Variants in DNAH12 observed in about 807,000 individuals in gnomAD.
The protein encoded by DNAH12 is dynein axonemal heavy chain 12.
DNAH12 carries 285 observed loss-of-function variants against 371.5 expected under a neutral mutation model. That is an observed-to-expected ratio of 0.77 (90% CI 0.70 to 0.85). DNAH12 has a LOEUF of 0.85. Ranked by LOEUF, DNAH12 falls within the 40% of genes least tolerant of loss-of-function variation. DNAH12 has a pLI of 0.00. For synonymous variants in DNAH12, 1,200 were observed against 1,213.0 expected, an observed-to-expected ratio of 0.99 and a Z score of 0.22; for missense variants, 3,611 against 3,689.4, an observed-to-expected ratio of 0.98 and a Z score of 0.55.
At chr3:57,388,988 G>A (rs1034928599) in intron 45 of DNAH12, among the ~76,000 whole-genome samples, 1 of 151,978 alleles carries the variant, frequency 6.6e-6, no homozygotes, top group Non-Finnish European at 1.5e-5. Context: ...CACCAACATG[G>A]CACATGTATA....
intron 60 of DNAH12, among the ~76,000 whole-genome samples, chr3:57,344,134 G>T (rs1280076774): frequency 6.6e-6 from 1 of 152,262 alleles, no homozygotes; most frequent in Non-Finnish European, 1.5e-5. Flanking sequence ...CTTTGTCTCT[G>T]TGTCTTATTT....
At chr3:57,390,424 A>AAAAAT in intron 45 of DNAH12, among the ~76,000 whole-genome samples, 12 of 33,438 alleles carry the variant, frequency 3.6e-4, no homozygotes, top group Admixed American at 5.6e-4. Flanking sequence ...AAAAAAAAAA[A>AAAAAT]ATATATATAT....
At chr3:57,436,854 A>T (rs2153367459) in intron 30 of DNAH12, 97 bp downstream of exon 30, 1 of 866,346 alleles carries the variant, frequency 1.2e-6, no homozygotes, top group Non-Finnish European at 1.7e-6. Flanking sequence ...CTCTCAACTC[A>T]CCTAATCAGT....
At chr3:57,517,026 T>C (rs565521171) in intron 4 of DNAH12, among the ~76,000 whole-genome samples, 2 of 152,284 alleles carry the variant, frequency 1.3e-5, no homozygotes, top group South Asian at 2.1e-4. Flanking sequence ...GTTTTCTCCT[T>C]CAGGTGACTT....
chr3:57,361,471 T>TATATATATA (rs2062934544), intron 58 of DNAH12, among the ~76,000 whole-genome samples: 2 of 141,814 alleles, frequency 1.4e-5, no homozygotes, highest in African/African-American at 5.7e-5. Flanking sequence ...TATATATATA[T>TATATATATA]CTCATTCAGC....
chr3:57,403,497 C>T lies in DNAH12; in HGVS notation c.6760G>A (p.Val2254Ile). The T allele has an allele frequency of 6.5e-7, 1 of 1,541,166 alleles. No individual in the cohort carries two copies. ...CATATTCTTGATAAATGTTCCAAAA[C>T]ATACCTACCACAAAAGAAAAATTTT... is the stretch of plus-strand genomic sequence containing the variant. ...TRMNLVIFRY[V>I]LEHLSRICRV... Residue 2254 changes from valine (V) to isoleucine (I), a missense_variant, in exon 43 of 74, where the codon GTT becomes ATT. Coordinates refer to ENST00000495027, the MANE Select transcript of DNAH12 (RefSeq NM_001366028.2).
At chr3:57,547,286 T>C (rs1313674156), upstream of DNAH12, among the ~76,000 whole-genome samples, 1 of 151,902 alleles carries the variant, frequency 6.6e-6, no homozygotes, top group Non-Finnish European at 1.5e-5. Flanking sequence ...CTTTGAACCC[T>C]GACTGATACA....
intron 11 of DNAH12, among the ~76,000 whole-genome samples, chr3:57,496,726 C>T (rs1055639536): frequency 6.6e-5 from 10 of 152,206 alleles, no homozygotes; most frequent in Non-Finnish European, 1.0e-4. Context: ...CCCAGTACTT[C>T]GGGAGGCCAA....
chr3:57,335,731 T>C (rs2062207541), intron 60 of DNAH12, among the ~76,000 whole-genome samples: 1 of 152,240 alleles, frequency 6.6e-6, no homozygotes, highest in African/African-American at 2.4e-5. Flanking sequence ...AACATTGTTA[T>C]GTGGCACATG....
chr3:57,451,146 A>G (rs2065744949), intron 25 of DNAH12, among the ~76,000 whole-genome samples: 1 of 152,206 alleles, frequency 6.6e-6, no homozygotes, highest in South Asian at 2.1e-4. Flanking sequence ...TTTTACTAAG[A>G]ACATTACCTA....
chr3:57,312,323 GA>G (rs1373588861), intron 66 of DNAH12, among the ~76,000 whole-genome samples: 1 of 152,122 alleles, frequency 6.6e-6, no homozygotes, highest in African/African-American at 2.4e-5. Context: ...TTCTTTGGGG[GA>G]GGGGAAGGGT....
At chr3:57,521,063 C>CAAAA (rs61570396) in intron 4 of DNAH12, among the ~76,000 whole-genome samples, 2 of 54,440 alleles carry the variant, frequency 3.7e-5, no homozygotes, top group Admixed American at 3.7e-4. Flanking sequence ...GACTCTGTCT[C>CAAAA]AAAAAAAAAA....
rs1491522942 is a variant in DNAH12 at position 57,389,796 on chromosome 3, A to ATGTGTGTGTGTGTGTG, written c.7305+2075_7305+2076insCACACACACACACACA. Among the ~76,000 whole-genome samples the ATGTGTGTGTGTGTGTG allele has an allele frequency of 5.1e-5, 4 of 78,810 alleles. No homozygotes were observed. The East Asian group carries it at 3.7e-3, about 74-fold the overall frequency. 51.7% of individuals were successfully genotyped at this position (78,810 alleles called of 152,430 possible). A position where few individuals can be genotyped will look rare whatever the true frequency, so the allele number is the denominator to read the frequency against. On this transcript the variant is annotated intron_variant, in intron 45 of 73. Transcript: ENST00000495027. ...TATATACATATAAATATATATACAC[A>ATGTGTGTGTGTGTGTG]TATGTGTGTGTGTGTGTGTGTGTGT...
Position 57,483,415 on chromosome 3 carries a change from G to A in DNAH12, c.1611C>T (p.Ala537=), listed in dbSNP as rs187300662. The A allele has an allele frequency of 1.2e-5, 19 of 1,550,892 alleles. No homozygotes were observed. The African/African-American group carries it at 2.5e-4, about 20-fold the overall frequency. The change falls in exon 13 of 74, where the codon GCC becomes GCT. Residue 537 remains alanine (A), a synonymous_variant. Coordinates refer to ENST00000495027, the MANE Select transcript of DNAH12 (RefSeq NM_001366028.2). ...TCAACTCTTCGATTCCTACAGTCCG[G>A]GCTTTTTCTACATAAGATATCAGAT... is the stretch of plus-strand genomic sequence containing the variant. The part of the protein sequence containing the change: ...MMDLISYVEK[A]RTVGIEELIL...
chr3:57,499,016 C>CAA lies in DNAH12; in HGVS notation c.1335+2304_1335+2305insTT, dbSNP rs778795909. Among the ~76,000 whole-genome samples the CAA allele has an allele frequency of 9.4e-5, 14 of 148,996 alleles. No homozygotes were observed. The Middle Eastern group carries it at 0.011, about 112-fold the overall frequency. ...TCCGTCTCAAAAACAAAAACAAAAACACACACACACAAAAACAAAAACAAA... is the reference window on the plus strand; with the variant it reads ...TCCGTCTCAAAAACAAAAACAAAAACAAACACACACACAAAAACAAAAACAAA... On this transcript the variant is annotated intron_variant, in intron 11 of 73. Transcript: ENST00000495027.
intron 29 of DNAH12, among the ~76,000 whole-genome samples, chr3:57,441,663 G>A (rs184451771): frequency 3.9e-5 from 6 of 152,000 alleles, no homozygotes; most frequent in African/African-American, 9.7e-5. Flanking sequence ...GTGGTGGCAC[G>A]CGCCCATAAT....
At chr3:57,429,854 A>C in intron 32 of DNAH12, 80 bp from the exon 33 acceptor site, 1 of 1,164,706 alleles carries the variant, frequency 8.6e-7, no homozygotes, top group Non-Finnish European at 1.2e-6. Context: ...TGTATAAAAT[A>C]AAGTAGCTCC....
chr3:57,517,818 A>G (rs2068253531), intron 4 of DNAH12, among the ~76,000 whole-genome samples: 1 of 152,080 alleles, frequency 6.6e-6, no homozygotes, highest in South Asian at 2.1e-4. Flanking sequence ...AGGTAGAAGC[A>G]GGTGGATCCC....
rs574973524 is a variant in DNAH12 at position 57,463,645 on chromosome 3, A to G, written c.2350-770T>C. Among the ~76,000 whole-genome samples, 5 of 152,280 alleles carry G rather than the reference A, an allele frequency of 3.3e-5. No homozygotes were observed. In the South Asian group the frequency reaches 1.0e-3, roughly 32 times the overall value. ...TCGTTTTAACCTTCCATTGGTTATC[A>G]CCATCATGTTTTTGCTTATCATCAC... On this transcript the variant is annotated intron_variant, in intron 17 of 73. Transcript: ENST00000495027.
Sources: allele counts gnomAD v4.1 joint callset (sites outside exome capture counted in the v4.1 genomes callset), GRCh38; gene constraint gnomAD v4.1.1; transcripts MANE v1.5; gene names NCBI Gene and HGNC (gene_info 2026-07-23, HGNC 2026-07-21).